Variants in BMP5 observed in about 807,000 individuals in gnomAD.
BMP5 encodes the protein bone morphogenetic protein 5.
BMP5 carries 23 observed loss-of-function variants against 46.6 expected under a neutral mutation model. The observed-to-expected ratio is 0.49, with a 90% CI of 0.35 to 0.70. The LOEUF (loss-of-function observed/expected upper bound fraction) is 0.70, where lower values mean the gene tolerates loss of function less well. BMP5 is among the 30% of genes least tolerant of loss of function. The pLI is 0.00. For synonymous variants in BMP5, 204 were observed against 191.9 expected (o/e 1.06, Z -0.52); for missense variants, 545 against 565.6 (o/e 0.96, Z 0.37).
intron 2 of BMP5, among the ~76,000 whole-genome samples, chr6:55,807,054 C>G (rs937305500): frequency 3.9e-5 from 6 of 152,148 alleles, no homozygotes; most frequent in Middle Eastern, 3.4e-3. Flanking sequence ...ATCTGAATAC[C>G]CTTTATTTCT....
intron 5 of BMP5, 27 bp from the exon 6 acceptor site, chr6:55,759,142 C>G: frequency 1.7e-5 from 2 of 119,564 alleles, no homozygotes; most frequent in Admixed American, 1.8e-4. Context: ...CACACACACA[C>G]ACAAAAAAAA....
chr6:55,763,736 T>C (rs1041714533), intron 4 of BMP5, among the ~76,000 whole-genome samples: 1 of 152,160 alleles, frequency 6.6e-6, no homozygotes, highest in Non-Finnish European at 1.5e-5. Flanking sequence ...GTCTTATCCA[T>C]AGTGCAAGTG....
chr6:55,870,141 C>A (rs1298466995), intron 1 of BMP5, among the ~76,000 whole-genome samples: 1 of 150,244 alleles, frequency 6.7e-6, no homozygotes, highest in African/African-American at 2.5e-5. Context: ...TTCTTAGTTC[C>A]AGCTAATACG....
At chr6:55,845,201 G>A (rs969627797) in intron 1 of BMP5, among the ~76,000 whole-genome samples, 3 of 152,004 alleles carry the variant, frequency 2.0e-5, no homozygotes, top group Admixed American at 2.0e-4. Flanking sequence ...CATTTATAAT[G>A]AGATTTAAAT....
Position 55,755,588 on chromosome 6 carries a change from T to C in BMP5, c.1310A>G (p.Asn437Ser). Residue 437 changes from asparagine (N) to serine (S), a missense_variant, in exon 7 of 7, where the codon AAT (asparagine) becomes AGT (serine). By Grantham distance (46) the Asn-to-Ser change is conservative (BLOSUM62 1). Transcript: ENST00000370830. ...ATTTCTATATTTTTTCAAAATGACA[T>C]TGGAGCTGTCATCAAAGTACAGAAC... Reference protein sequence around the residue: ...ISVLYFDDSSNVILKKYRNMV... With the variant: ...ISVLYFDDSSSVILKKYRNMV... The C allele has an allele frequency of 1.9e-6, 3 of 1,611,992 alleles. No individual in the cohort carries two copies. The highest frequency in any genetic ancestry group is 2.5e-6 in the Non-Finnish European group (3 of 1,178,540).
At chr6:55,841,155 C>T (rs1230597957) in intron 1 of BMP5, among the ~76,000 whole-genome samples, 1 of 152,154 alleles carries the variant, frequency 6.6e-6, no homozygotes. Flanking sequence ...ATAGCGAAAC[C>T]ATCCCACCCT....
At chr6:55,795,131 T>C (rs946339368) in intron 2 of BMP5, among the ~76,000 whole-genome samples, 4 of 152,274 alleles carry the variant, frequency 2.6e-5, no homozygotes, top group Non-Finnish European at 4.4e-5. Flanking sequence ...TATGGTTGTA[T>C]TGCTGAATCT....
chr6:55,874,438 G>T lies in BMP5; in HGVS notation c.428C>A (p.Ala143Asp). The stretch of plus-strand genomic sequence containing the variant: ...CAGAAAGTTGGTATCATGGAGGCTG[G>T]CTAGAGGAGGACTCTGGGTGGTCAG... ...TPLTTQSPPL[A>D]SLHDTNFLND... is the part of the protein sequence containing the mutation. Residue 143 changes from alanine (A) to aspartate (D), a missense_variant, in exon 1 of 7, where the codon GCC becomes GAC. Ala to Asp is a moderately radical substitution (Grantham distance 126). Transcript: ENST00000370830. The T allele has an allele frequency of 1.2e-6, 2 of 1,613,254 alleles. No homozygotes were observed. Among genetic ancestry groups the T allele is most frequent in the Non-Finnish European group, 1.7e-6 (2 of 1,179,540 alleles).
chr6:55,850,272 G>A (rs181959844), intron 1 of BMP5, among the ~76,000 whole-genome samples: 36 of 152,076 alleles, frequency 2.4e-4, no homozygotes, highest in Admixed American at 2.0e-3. Flanking sequence ...AGACATGCCT[G>A]GCAAATGTCA....
At chr6:55,810,444 C>T (rs1448875760) in intron 2 of BMP5, among the ~76,000 whole-genome samples, 2 of 152,106 alleles carry the variant, frequency 1.3e-5, no homozygotes, top group Admixed American at 6.5e-5. Context: ...GGTTTCCTGG[C>T]ATTACATCAT....
At chr6:55,774,568 T>C (rs1431010595) in intron 3 of BMP5, among the ~76,000 whole-genome samples, 1 of 151,968 alleles carries the variant, frequency 6.6e-6, no homozygotes, top group Non-Finnish European at 1.5e-5. Flanking sequence ...CCACATTAAA[T>C]AACAATTTAA....
intron 4 of BMP5, among the ~76,000 whole-genome samples, chr6:55,771,171 C>T (rs1033919034): frequency 6.6e-6 from 1 of 151,712 alleles, no homozygotes; most frequent in Non-Finnish European, 1.5e-5. Flanking sequence ...CATGGTATGC[C>T]TGTACTCTAT....
At chr6:55,774,027 T>A (rs1448671597) in intron 4 of BMP5, 22 bp downstream of exon 4, 1 of 1,610,496 alleles carries the variant, frequency 6.2e-7, no homozygotes, top group African/African-American at 1.3e-5. Context: ...TGTGCATAAC[T>A]GCTGCTCGGG....
intron 2 of BMP5, among the ~76,000 whole-genome samples, chr6:55,812,696 A>G (rs555164856): frequency 3.3e-5 from 5 of 152,338 alleles, no homozygotes; most frequent in African/African-American, 1.2e-4. Flanking sequence ...CAACTTTGAC[A>G]CAGAAGTTTT....
At position 55,754,156 on chromosome 6, in the gene BMP5, ATT is replaced by A. The variant is rs1774521036; in HGVS notation, c.*1375_*1376del. 1 of 152,122 alleles carries A rather than the reference ATT, an allele frequency of 6.6e-6. No individual in the cohort carries two copies. The highest frequency in any genetic ancestry group is 2.4e-5 in the African/African-American group (1 of 41,562). The allele number at this position is 152,122 out of a possible 1,614,324, so 9.4% of individuals were successfully genotyped here. ...AAATGGTGCTTTATGAATACTTTAG[ATT>A]AACGGTAAATAAGCCTAACCACAGA... is the stretch of plus-strand genomic sequence containing the variant. On this transcript the variant is annotated 3_prime_UTR_variant, in exon 7 of 7. Transcript: ENST00000370830.
chr6:55,819,257 T>C (rs1240445462), intron 2 of BMP5, among the ~76,000 whole-genome samples: 1 of 152,188 alleles, frequency 6.6e-6, no homozygotes, highest in Non-Finnish European at 1.5e-5. Context: ...TTTACACTCA[T>C]GTCAGTGAAA....
At chr6:55,862,000 A>C (rs77928595) in intron 1 of BMP5, among the ~76,000 whole-genome samples, 1 of 152,348 alleles carries the variant, frequency 6.6e-6, no homozygotes, top group Non-Finnish European at 1.5e-5. Flanking sequence ...AAAAATTAAA[A>C]TGTTAGCACT....
chr6:55,866,822 A>C (rs1387756045), intron 1 of BMP5, among the ~76,000 whole-genome samples: 1 of 152,148 alleles, frequency 6.6e-6, no homozygotes, highest in East Asian at 1.9e-4. Context: ...TTCTTTCAGC[A>C]TGCCATGCTT....
Position 55,774,107 on chromosome 6 carries a change from ATTT to A in BMP5, c.966_968del (p.Lys322del). 6.2e-7 allele frequency: 1 copy of A among 1,612,814 alleles called. No homozygotes were observed. Reference sequence around the variant, plus strand: ...GAGAGCTGGATTTATTGCGGTTTTGATTTTTTCGTTTGTTGGCTGCTCTCACGG... The same window carrying A: ...GAGAGCTGGATTTATTGCGGTTTTGATTTCGTTTGTTGGCTGCTCTCACGG... On this transcript the variant is annotated inframe_deletion, in exon 4 of 7. Transcript: ENST00000370830.
Sources: gnomAD v4.1 joint callset for allele counts (sites outside exome capture counted in the v4.1 genomes callset) on GRCh38, gnomAD v4.1.1 for gene constraint, MANE v1.5 for transcripts, NCBI Gene and HGNC (gene_info 2026-07-23, HGNC 2026-07-21) for gene names.